MBD5: variants seen among roughly 807,000 people sequenced by gnomAD.
MBD5 encodes methyl-CpG-binding domain protein 5.
In MBD5, 13 loss-of-function variants were observed where a neutral mutation model predicts 117.3. The observed-to-expected ratio is 0.11, with a 90% CI of 0.07 to 0.18. MBD5 has a LOEUF of 0.18. Ranked by LOEUF, MBD5 falls within the 10% of genes least tolerant of loss-of-function variation. MBD5 has a pLI of 1.00. For missense variants in MBD5, 1,879 were observed against 2,093.8 expected (o/e 0.90, Z 2.00); for synonymous variants, 727 against 766.4 (o/e 0.95, Z 0.85).
chr2:148,417,028 C>T (rs892680523), intron 4 of MBD5, among the ~76,000 whole-genome samples: 7 of 152,124 alleles, frequency 4.6e-5, no homozygotes, highest in African/African-American at 1.7e-4. Flanking sequence ...TTTCTTTATC[C>T]ACTCATCGGT....
At chr2:148,149,882 T>G (rs1209498153) in intron 1 of MBD5, among the ~76,000 whole-genome samples, 1 of 146,744 alleles carries the variant, frequency 6.8e-6, no homozygotes, top group Non-Finnish European at 1.5e-5. Flanking sequence ...TTCTCCCATT[T>G]TGTAGGTTGC....
chr2:148,270,702 T>C (rs1021875872), intron 3 of MBD5, among the ~76,000 whole-genome samples: 2 of 152,108 alleles, frequency 1.3e-5, no homozygotes, highest in Non-Finnish European at 2.9e-5. Context: ...CAACTTTGTC[T>C]TCTGACTTTC....
At chr2:148,031,048 G>A (rs1345245953) in intron 1 of MBD5, among the ~76,000 whole-genome samples, 1 of 151,966 alleles carries the variant, frequency 6.6e-6, no homozygotes, top group Non-Finnish European at 1.5e-5. Context: ...GTTATAAAGT[G>A]GTAGACAATT....
At chr2:148,406,714 G>T (rs1291461549) in intron 4 of MBD5, among the ~76,000 whole-genome samples, 1 of 152,118 alleles carries the variant, frequency 6.6e-6, no homozygotes, top group African/African-American at 2.4e-5. Flanking sequence ...TCATTACAGT[G>T]AATTCTTCCT....
At chr2:148,401,582 T>C (rs1704922515) in intron 4 of MBD5, among the ~76,000 whole-genome samples, 1 of 152,128 alleles carries the variant, frequency 6.6e-6, no homozygotes, top group South Asian at 2.1e-4. Context: ...TTCTGGTTTT[T>C]AAAAAAATTA....
chr2:148,471,529 A>G (rs867917703), intron 8 of MBD5: 11 of 152,154 alleles, frequency 7.2e-5, no homozygotes, highest in Admixed American at 4.6e-4. Context: ...ATAATAAGCT[A>G]GTGTGTAGGT....
At chr2:148,040,801 C>T (rs1453765411) in intron 1 of MBD5, among the ~76,000 whole-genome samples, 1 of 152,092 alleles carries the variant, frequency 6.6e-6, no homozygotes, top group Non-Finnish European at 1.5e-5. Flanking sequence ...CCTGTGGGTG[C>T]ACATTAAAAT....
At chr2:148,141,591 T>A (rs545166243) in intron 1 of MBD5, among the ~76,000 whole-genome samples, 1 of 152,240 alleles carries the variant, frequency 6.6e-6, no homozygotes, top group East Asian at 1.9e-4. Context: ...TTTAAAATTA[T>A]ATCCACAGGC....
At chr2:148,171,228 T>G (rs1698254997) in intron 1 of MBD5, among the ~76,000 whole-genome samples, 1 of 152,112 alleles carries the variant, frequency 6.6e-6, no homozygotes, top group African/African-American at 2.4e-5. Context: ...TATGCAAATA[T>G]CCTCAACAAA....
intron 1 of MBD5, among the ~76,000 whole-genome samples, chr2:148,120,318 T>C (rs1334862252): frequency 9.9e-5 from 15 of 152,224 alleles, no homozygotes; most frequent in African/African-American, 3.6e-4. Context: ...AGCTTGTCAG[T>C]TGCTGCAAAA....
intron 1 of MBD5, among the ~76,000 whole-genome samples, chr2:148,163,297 C>A (rs1456516456): frequency 1.3e-5 from 2 of 152,228 alleles, no homozygotes; most frequent in Non-Finnish European, 2.9e-5. Flanking sequence ...TGGGTCCAAT[C>A]CTGGCTCTGC....
At chr2:148,116,752 T>A (rs73964327) in intron 1 of MBD5, among the ~76,000 whole-genome samples, 1 of 152,240 alleles carries the variant, frequency 6.6e-6, no homozygotes, top group African/African-American at 2.4e-5. Flanking sequence ...TACTGATTGC[T>A]CACATTGATC....
At chr2:148,403,723 T>A (rs1417667715) in intron 4 of MBD5, among the ~76,000 whole-genome samples, 1 of 152,154 alleles carries the variant, frequency 6.6e-6, no homozygotes, top group Non-Finnish European at 1.5e-5. Context: ...CTTGTTCAGA[T>A]TTTCCCAAAT....
chr2:148,485,738 G>A lies in MBD5; in HGVS notation c.3545-4G>A, dbSNP rs1574480008. 6.2e-7 allele frequency: 1 copy of A among 1,601,034 alleles called. No homozygotes were observed. ...ATTTATATTTTATGTTTTTCAAACT[G>A]TAGGTGATATGTCATCAATAAACAA... On this transcript the variant is annotated splice_region_variant and splice_polypyrimidine_tract_variant and intron_variant, in intron 9 of 13. Coordinates refer to ENST00000642680, the MANE Select transcript of MBD5 (RefSeq NM_001378120.1).
At chr2:148,084,707 G>A (rs1034115666) in intron 1 of MBD5, among the ~76,000 whole-genome samples, 9 of 152,000 alleles carry the variant, frequency 5.9e-5, no homozygotes, top group African/African-American at 2.2e-4. Flanking sequence ...ACATTAAAAA[G>A]TGCATTACCA....
At chr2:148,137,418 T>A (rs1697195820) in intron 1 of MBD5, among the ~76,000 whole-genome samples, 1 of 152,204 alleles carries the variant, frequency 6.6e-6, no homozygotes, top group Admixed American at 6.5e-5. Context: ...TTTTCTGGTT[T>A]CTTCCCTTCT....
chr2:148,237,169 G>C (rs1332342354), intron 3 of MBD5, among the ~76,000 whole-genome samples: 2 of 152,210 alleles, frequency 1.3e-5, no homozygotes, highest in Non-Finnish European at 2.9e-5. Context: ...AAGTTTGTCT[G>C]TATCAGCAAC....
chr2:148,391,152 C>T (rs987676066), intron 4 of MBD5, among the ~76,000 whole-genome samples: 1 of 151,992 alleles, frequency 6.6e-6, no homozygotes, highest in Non-Finnish European at 1.5e-5. Context: ...AAGAAAATGT[C>T]CTGAGGTTTC....
At chr2:148,294,501 G>GTTTTTTTTGTTTTGTT (rs1701590105) in intron 3 of MBD5, among the ~76,000 whole-genome samples, 2 of 113,216 alleles carry the variant, frequency 1.8e-5, no homozygotes, top group Non-Finnish European at 3.5e-5. Context: ...TGGGATTACA[G>GTTTTTTTTGTTTTGTT]TTTTTTTTTT....
Sources: allele counts gnomAD v4.1 joint callset (sites outside exome capture counted in the v4.1 genomes callset), GRCh38; gene constraint gnomAD v4.1.1; transcripts MANE v1.5; gene names NCBI Gene and HGNC (gene_info 2026-07-23, HGNC 2026-07-21).